The following PRMT8 variants were observed in gnomAD, a reference collection of about 807,000 sequenced individuals.
PRMT8 encodes the protein protein arginine N-methyltransferase 8.
Under a neutral mutation model 47.1 loss-of-function variants are expected in PRMT8, and 7 were observed. The ratio of observed to expected loss-of-function variants is 0.15; its 90% CI spans 0.08 to 0.28. The LOEUF (loss-of-function observed/expected upper bound fraction) is 0.28, where lower values mean the gene tolerates loss of function less well. Ranked by LOEUF, PRMT8 falls within the 10% of genes least tolerant of loss-of-function variation. The pLI is 1.00. For missense variants in PRMT8, 237 were observed against 505.4 expected (o/e 0.47, Z 5.09); for synonymous variants, 188 against 186.5 (o/e 1.01, Z -0.07).
chr12:3,422,456 C>A (rs1864552898), intron 1 of PRMT8, among the ~76,000 whole-genome samples: 1 of 152,178 alleles, frequency 6.6e-6, no homozygotes, highest in South Asian at 2.1e-4. Flanking sequence ...GGAGTGTTGG[C>A]AGACTCACAT....
At chr12:3,473,849 T>C (rs1326977634) in intron 1 of PRMT8, among the ~76,000 whole-genome samples, 1 of 152,194 alleles carries the variant, frequency 6.6e-6, no homozygotes, top group Non-Finnish European at 1.5e-5. Context: ...CCTCTCATCC[T>C]GGGCAGTTCC....
rs546676059 is a variant in PRMT8 at position 3,529,930 on chromosome 12, A to C, written c.76-10676A>C. Among the ~76,000 whole-genome samples the C allele has an allele frequency of 3.9e-5, 6 of 152,294 alleles. 1 individual carries two copies. Among genetic ancestry groups the C allele is most frequent in the Admixed American group, 3.9e-4 (6 of 15,296 alleles). On this transcript the variant is annotated intron_variant, in intron 1 of 9. Transcript: ENST00000382622. ...GGGCTTGTACTACACGGGTGCAAAG[A>C]GATGGTTGGAAAATGTCTAACAAAT...
At chr12:3,420,699 A>G (rs576491349) in intron 1 of PRMT8, among the ~76,000 whole-genome samples, 2 of 152,268 alleles carry the variant, frequency 1.3e-5, no homozygotes, top group African/African-American at 2.4e-5. Context: ...CTGCAGCATG[A>G]GCTTGCTTGC....
rs115588937 is a variant in PRMT8, at chr12:3,485,044, G to A, written c.49-55562G>A. ...GAGAGGGTGCACCTCAGGCCTGAGT[G>A]TCCTTTGTGGTAGTTCTACCTAAGA... On this transcript the variant is annotated intron_variant, in intron 1 of 9. Transcript: ENST00000452611. Among the ~76,000 whole-genome samples, 1,167 of 152,242 alleles carry A rather than the reference G, an allele frequency of 7.7e-3. 14 individuals are homozygous for A. Among genetic ancestry groups the A allele is most frequent in the African/African-American group, 0.026 (1,078 of 41,528 alleles).
intron 1 of PRMT8, among the ~76,000 whole-genome samples, chr12:3,421,691 T>C (rs1864542887): frequency 6.6e-6 from 1 of 152,240 alleles, no homozygotes; most frequent in Non-Finnish European, 1.5e-5. Flanking sequence ...CCCCTCCCGG[T>C]TGACTGCCAT....
intron 1 of PRMT8, among the ~76,000 whole-genome samples, chr12:3,426,363 A>G (rs1228837068): frequency 2.6e-5 from 4 of 152,234 alleles, no homozygotes; most frequent in African/African-American, 4.8e-5. Flanking sequence ...TTAGGAAACT[A>G]CAAAAAATGG....
intron 1 of PRMT8, among the ~76,000 whole-genome samples, chr12:3,484,882 C>T (rs921141652): frequency 6.6e-6 from 1 of 152,124 alleles, no homozygotes; most frequent in Non-Finnish European, 1.5e-5. Context: ...AAAAGGGAGT[C>T]AAACAAGACC....
intron 1 of PRMT8, among the ~76,000 whole-genome samples, chr12:3,437,406 G>T (rs1199019474): frequency 6.6e-6 from 1 of 151,710 alleles, no homozygotes. Context: ...ACATGTGCAG[G>T]TTTGTTATAT....
At chr12:3,408,828 CA>C (rs1434776624) in intron 1 of PRMT8, among the ~76,000 whole-genome samples, 1 of 152,158 alleles carries the variant, frequency 6.6e-6, no homozygotes, top group African/African-American at 2.4e-5. Flanking sequence ...GCAGTTTCTT[CA>C]GCTGTAATCA....
chr12:3,518,544 T>A (rs1865831211), intron 1 of PRMT8, among the ~76,000 whole-genome samples: 1 of 152,112 alleles, frequency 6.6e-6, no homozygotes, highest in Non-Finnish European at 1.5e-5. Flanking sequence ...GAGAGGGGAA[T>A]AATGAAAAGG....
In PRMT8 at chr12:3,524,418, G is replaced by C. The variant is rs372049422; in HGVS notation, c.76-16188G>C. On this transcript the variant is annotated intron_variant, in intron 1 of 9. Coordinates refer to ENST00000382622, the MANE Select transcript of PRMT8 (RefSeq NM_019854.5). ...CTGCTTCGATAGCTGATGCCTGCTT[G>C]TCAGCCTCCCCACCTTCCCCCTCTT... Among the ~76,000 whole-genome samples, 214 of 152,186 alleles carry C rather than the reference G, an allele frequency of 1.4e-3. 2 individuals carry two copies. The highest frequency in any genetic ancestry group is 5.0e-3 in the African/African-American group (207 of 41,516).
chr12:3,582,455 T>C (rs576023446), intron 7 of PRMT8, among the ~76,000 whole-genome samples: 2 of 152,354 alleles, frequency 1.3e-5, no homozygotes, highest in East Asian at 3.9e-4. Context: ...GTCTGTGACT[T>C]TGTGGGCTCA....
chr12:3,390,763 C>A (rs2137045433), intron 1 of PRMT8, among the ~76,000 whole-genome samples: 1 of 152,326 alleles, frequency 6.6e-6, no homozygotes, highest in Non-Finnish European at 1.5e-5. Context: ...GCACTCGTTA[C>A]AATTCATGGT....
chr12:3,530,899 G>A (rs781295523), intron 1 of PRMT8, among the ~76,000 whole-genome samples: 2 of 152,176 alleles, frequency 1.3e-5, no homozygotes, highest in Non-Finnish European at 2.9e-5. Flanking sequence ...CAAAAGAGGC[G>A]GGACAGAAAA....
At chr12:3,448,855 A>G (rs1864886517) in intron 1 of PRMT8, among the ~76,000 whole-genome samples, 1 of 152,088 alleles carries the variant, frequency 6.6e-6, no homozygotes, top group Non-Finnish European at 1.5e-5. Context: ...ATTAAGCCCC[A>G]CATGCATTAG....
intron 1 of PRMT8, among the ~76,000 whole-genome samples, chr12:3,437,685 AC>A (rs1179955698): frequency 6.6e-6 from 1 of 150,844 alleles, no homozygotes; most frequent in East Asian, 1.9e-4. Flanking sequence ...AGTGTAGTAT[AC>A]CTAACACGGG....
rs1864885636 is a variant in PRMT8 at position 3,448,760 on chromosome 12, A to G, written c.48+67318A>G. Among the ~76,000 whole-genome samples, 3 of 152,182 alleles carry G rather than the reference A, an allele frequency of 2.0e-5. No homozygotes were observed. The South Asian group carries it at 6.2e-4, about 31-fold the overall frequency. On this transcript the variant is annotated intron_variant, in intron 1 of 9. Coordinates refer to the PRMT8 transcript ENST00000452611. ...ATTTTATTTTATTTTAAGTTCCAGG[A>G]TACATGTGTAGGACATGCAGGTTTG...
intron 1 of PRMT8, among the ~76,000 whole-genome samples, chr12:3,480,469 T>C (rs2191206): frequency 0.075 from 11,353 of 152,190 alleles, 528 homozygotes; most frequent in Non-Finnish European, 0.1. Flanking sequence ...TCTCACATTA[T>C]AGAGGAAGAA....
At chr12:3,573,309 G>C (rs183481928) in intron 6 of PRMT8, among the ~76,000 whole-genome samples, 1 of 151,858 alleles carries the variant, frequency 6.6e-6, no homozygotes, top group East Asian at 1.9e-4. Flanking sequence ...TTGTTATTTC[G>C]ATTTCTAACA....
Sources: gnomAD v4.1 joint callset for allele counts (sites outside exome capture counted in the v4.1 genomes callset) on GRCh38, gnomAD v4.1.1 for gene constraint, MANE v1.5 for transcripts, NCBI Gene and HGNC (gene_info 2026-07-23, HGNC 2026-07-21) for gene names.